The following MMS22L variants were observed in gnomAD, a reference collection of about 807,000 sequenced individuals.
MMS22L encodes protein MMS22-like.
MMS22L carries 74 observed loss-of-function variants against 159.1 expected under a neutral mutation model. The observed-to-expected ratio is 0.47, with a 90% confidence interval of 0.39 to 0.56. The LOEUF is 0.56. Ranked by LOEUF, MMS22L falls within the 20% of genes least tolerant of loss-of-function variation. The probability of loss-of-function intolerance (pLI) is 0.00; values close to 1 mark genes in which losing one functional copy is unlikely to be tolerated. For missense variants in MMS22L, 1,351 were observed against 1,422.1 expected (o/e 0.95, Z 0.80); for synonymous variants, 517 against 506.9 (o/e 1.02, Z -0.27).
At chr6:97,227,570 C>T (rs1007960477) in intron 14 of MMS22L, among the ~76,000 whole-genome samples, 3 of 152,012 alleles carry the variant, frequency 2.0e-5, no homozygotes, top group Non-Finnish European at 2.9e-5. Flanking sequence ...GTATAAAACC[C>T]GCCATGAAAA....
chr6:97,182,060 T>C lies in MMS22L; in HGVS notation c.2234-6A>G. The C allele has an allele frequency of 6.2e-7, 1 of 1,604,378 alleles. No individual in the cohort carries two copies. The highest frequency in any genetic ancestry group is 8.5e-7 in the Non-Finnish European group (1 of 1,176,604). On this transcript the variant is annotated splice_region_variant and splice_polypyrimidine_tract_variant and intron_variant, in intron 15 of 24. Coordinates refer to ENST00000683635, the MANE Select transcript of MMS22L (RefSeq NM_001350599.2). ...CATTGCTAGCAAAGTAAAGTCTAGA[T>C]TCAAAATGAGAGAAACTTAAAGTCA...
intron 14 of MMS22L, among the ~76,000 whole-genome samples, chr6:97,225,010 T>G (rs1810069775): frequency 6.6e-6 from 1 of 152,198 alleles, no homozygotes; most frequent in Non-Finnish European, 1.5e-5. Flanking sequence ...TTTAAATGTG[T>G]TATTTTAGAT....
rs141106324 is a variant in MMS22L at position 97,211,702 on chromosome 6, G to A, written c.2039+17192C>T. On this transcript the variant is annotated intron_variant, in intron 14 of 24. Coordinates refer to ENST00000683635, the MANE Select transcript of MMS22L (RefSeq NM_001350599.2). ...CTATTCCCATTCTCTGACACCTAAT[G>A]TCAGAAGTAGAAAAGTAGATGTCAG... 1.8e-4 allele frequency among the ~76,000 whole-genome samples: 27 copies of A among 152,132 alleles called. No individual in the cohort carries two copies. The East Asian group carries it at 3.7e-3, about 21-fold the overall frequency.
rs201313587 is a variant in MMS22L, at chr6:97,153,965, A to AAT, written c.3386-2100_3386-2099dup. Among the ~76,000 whole-genome samples, 637 of 151,492 alleles carry AAT rather than the reference A, an allele frequency of 4.2e-3. 14 individuals are homozygous for AAT. The highest frequency in any genetic ancestry group is 0.037 in the Admixed American group (559 of 15,192). On this transcript the variant is annotated intron_variant, in intron 22 of 24. Transcript: ENST00000683635. ...TGGACATATTTGTTCATTTCTCTTAAATATATATATATATCTAGGGGTGAA... is the reference window on the plus strand; with the variant it reads ...TGGACATATTTGTTCATTTCTCTTAAATATATATATATATATCTAGGGGTGAA...
At chr6:97,216,775 T>G (rs1809060186) in intron 14 of MMS22L, among the ~76,000 whole-genome samples, 2 of 152,224 alleles carry the variant, frequency 1.3e-5, no homozygotes, top group South Asian at 4.1e-4. Context: ...ACCACAGGGT[T>G]CAGACTAGGA....
rs777595166 is a variant in MMS22L, at chr6:97,229,256, C to T, written c.1677G>A (p.Lys559=). The change falls in exon 14 of 25, where the codon AAG becomes AAA. Residue 559 remains lysine (K), a synonymous_variant. Coordinates refer to ENST00000683635, the MANE Select transcript of MMS22L (RefSeq NM_001350599.2). The part of the protein sequence containing the change: ...SHVLDLLNFL[K]PAFVTSQRAL... ...CTCTCTGAGACGTTACAAAAGCAGG[C>T]TTGAGGAAATTCAGGAGGTCTAAAA... The T allele has an allele frequency of 1.9e-6, 3 of 1,613,976 alleles. No homozygotes were observed. The highest frequency in any genetic ancestry group is 4.5e-5 in the East Asian group (2 of 44,884).
intron 14 of MMS22L, among the ~76,000 whole-genome samples, chr6:97,214,401 T>C (rs970566631): frequency 6.6e-6 from 1 of 152,216 alleles, no homozygotes; most frequent in African/African-American, 2.4e-5. Context: ...TTGTTGATGA[T>C]ATAGTAAGCG....
At chr6:97,187,342 A>G (rs894458093) in intron 14 of MMS22L, among the ~76,000 whole-genome samples, 2 of 152,196 alleles carry the variant, frequency 1.3e-5, no homozygotes, top group Admixed American at 1.3e-4. Context: ...AATTCAATCG[A>G]AAATTTAGAT....
chr6:97,236,952 G>GA lies in MMS22L; in HGVS notation c.1183-2973dup, dbSNP rs772283057. On this transcript the variant is annotated intron_variant, in intron 11 of 24. Coordinates refer to ENST00000683635, the MANE Select transcript of MMS22L (RefSeq NM_001350599.2). The stretch of plus-strand genomic sequence containing the variant: ...GGTGACAGAGCGAGACTCCGCCTCA[G>GA]AAAAAAAAAAAAAGGACTAAAGCAG... 2.4e-3 allele frequency among the ~76,000 whole-genome samples: 265 copies of GA among 109,096 alleles called. 1 individual carries two copies. The highest frequency in any genetic ancestry group is 5.4e-3 in the African/African-American group (158 of 29,108). 71.6% of individuals were successfully genotyped at this position (109,096 alleles called of 152,430 possible).
At chr6:97,267,173 TACAC>T in intron 8 of MMS22L, 1 of 152,260 alleles carries the variant, frequency 6.6e-6, no homozygotes, top group South Asian at 2.1e-4. Flanking sequence ...CTAATACACA[TACAC>T]ACTAAATTGT....
chr6:97,246,690 T>C lies in MMS22L; in HGVS notation c.1120A>G (p.Arg374Gly). 2 of 1,574,700 alleles carry C rather than the reference T, an allele frequency of 1.3e-6. No individual in the cohort carries two copies. Among genetic ancestry groups the C allele is most frequent in the Non-Finnish European group, 1.7e-6 (2 of 1,164,170 alleles). The stretch of plus-strand genomic sequence containing the variant: ...AAGTTCCAATTTGATTCCACTTTTC[T>C]CTAGAAAGGGAGAAAATAGTGCATC... ...FDRHGVPDEMRKVESNWNFVE... is the reference protein window; with the variant it reads ...FDRHGVPDEMGKVESNWNFVE... Residue 374 changes from arginine to glycine, a missense_variant and splice_region_variant, in exon 11 of 25, where the codon AGA (arginine) becomes GGA (glycine). Transcript: ENST00000683635.
At chr6:97,166,271 C>T (rs1220573671) in intron 20 of MMS22L, among the ~76,000 whole-genome samples, 4 of 152,092 alleles carry the variant, frequency 2.6e-5, no homozygotes, top group African/African-American at 7.2e-5. Context: ...ATATTAAATG[C>T]TACTAAATAT....
rs111380677 is a variant in MMS22L, at chr6:97,188,235, T to A, written c.2040-1545A>T. On this transcript the variant is annotated intron_variant, in intron 14 of 24. Transcript: ENST00000683635. ...ATCCATGTAAAATAATACCACCATTTCTACTGCCCTTTATAGCTTTTTCAA... is the reference window on the plus strand; with the variant it reads ...ATCCATGTAAAATAATACCACCATTACTACTGCCCTTTATAGCTTTTTCAA... Among the ~76,000 whole-genome samples, 385 of 152,338 alleles carry A rather than the reference T, an allele frequency of 2.5e-3. 3 individuals are homozygous for A. Among genetic ancestry groups the A allele is most frequent in the African/African-American group, 8.7e-3 (362 of 41,584 alleles).
At position 97,282,847 on chromosome 6, in the gene MMS22L, C is replaced by CCTCCGCAACGTTTCTAAACCACT. The variant is rs1210074028; in HGVS notation, c.-77+226_-77+248dup. On this transcript the variant is annotated intron_variant, in intron 1 of 24. Transcript: ENST00000683635. ...GTCCCGGGCTTGCCTAGAACTGCGC[C>CCTCCGCAACGTTTCTAAACCACT]CTCCGCAACGTTTCTAAACCACTCT... The CCTCCGCAACGTTTCTAAACCACT allele has an allele frequency of 7.4e-4, 124 of 167,454 alleles. 1 individual carries two copies. Among genetic ancestry groups the CCTCCGCAACGTTTCTAAACCACT allele is most frequent in the Non-Finnish European group, 5.1e-4 (40 of 77,984 alleles). The allele number at this position is 167,454 out of a possible 1,614,324, so 10.4% of individuals were successfully genotyped here.
At chr6:97,278,965 A>G in intron 3 of MMS22L, 67 bp from the exon 4 acceptor site, 1 of 1,350,992 alleles carries the variant, frequency 7.4e-7, no homozygotes, top group South Asian at 1.3e-5. Context: ...AATTACGTGG[A>G]CAATGTTTCC....
At chr6:97,223,534 T>C (rs1181387191) in intron 14 of MMS22L, among the ~76,000 whole-genome samples, 1 of 152,166 alleles carries the variant, frequency 6.6e-6, no homozygotes, top group Non-Finnish European at 1.5e-5. Context: ...TAACAGTATA[T>C]GGCATATCTA....
At chr6:97,203,088 G>C (rs1269424214) in intron 14 of MMS22L, among the ~76,000 whole-genome samples, 1 of 152,120 alleles carries the variant, frequency 6.6e-6, no homozygotes, top group Non-Finnish European at 1.5e-5. Flanking sequence ...TTTTGTTATT[G>C]CACTACTAGA....
intron 11 of MMS22L, among the ~76,000 whole-genome samples, chr6:97,245,511 A>G (rs1812522355): frequency 6.6e-6 from 1 of 152,182 alleles, no homozygotes; most frequent in Non-Finnish European, 1.5e-5. Context: ...TCATTCTGAA[A>G]TAAAAAATAT....
chr6:97,252,287 C>T (rs561963983), intron 10 of MMS22L, among the ~76,000 whole-genome samples: 1 of 152,078 alleles, frequency 6.6e-6, no homozygotes, highest in African/African-American at 2.4e-5. Flanking sequence ...AATACAGTTC[C>T]AACAAGTTTT....
Sources: gnomAD v4.1 joint callset for allele counts (sites outside exome capture counted in the v4.1 genomes callset) on GRCh38, gnomAD v4.1.1 for gene constraint, MANE v1.5 for transcripts, NCBI Gene and HGNC (gene_info 2026-07-23, HGNC 2026-07-21) for gene names.